OR1J2: variants seen among roughly 807,000 people sequenced by gnomAD.
The protein encoded by OR1J2 is olfactory receptor 1J2.
For missense variants in OR1J2, 304 were observed against 246.1 expected (o/e 1.24, Z -1.57); for synonymous variants, 142 against 99.7 (o/e 1.42, Z -2.52).
chr9:122,447,950 C>A, the OR1J2 span, among the ~76,000 whole-genome samples: 1 of 152,284 alleles, frequency 6.6e-6, no homozygotes, highest in Middle Eastern at 3.4e-3. Context: ...AGCCCCTGCA[C>A]ACCTGTGGGT....
chr9:122,473,239 C>G, the OR1J2 span, among the ~76,000 whole-genome samples: 1 of 152,112 alleles, frequency 6.6e-6, no homozygotes, highest in Non-Finnish European at 1.5e-5. Context: ...ACAAACATCT[C>G]AGCTCCAACC....
the OR1J2 span, among the ~76,000 whole-genome samples, chr9:122,522,794 C>T: frequency 1.8e-3 from 276 of 152,122 alleles, 1 homozygote; most frequent in Non-Finnish European, 3.0e-3. Context: ...AGAAAGCCTC[C>T]AGGCAAAAGA....
the OR1J2 span, among the ~76,000 whole-genome samples, chr9:122,498,789 T>C: frequency 6.6e-6 from 1 of 152,214 alleles, no homozygotes; most frequent in African/African-American, 2.4e-5. Context: ...TTTGTGCAGA[T>C]AGGATTTTTT....
At chr9:122,497,804 C>T in the OR1J2 span, among the ~76,000 whole-genome samples, 2 of 152,078 alleles carry the variant, frequency 1.3e-5, no homozygotes, top group Non-Finnish European at 2.9e-5. Context: ...AGGCATTTAG[C>T]GCTATAAACT....
the OR1J2 span, among the ~76,000 whole-genome samples, chr9:122,570,651 C>T: frequency 0.17 from 25,315 of 152,076 alleles, 2,860 homozygotes; most frequent in East Asian, 0.55. Context: ...TCAGCGTCAT[C>T]GTCCCTTATC....
chr9:122,466,894 C>T, the OR1J2 span, among the ~76,000 whole-genome samples: 1 of 152,106 alleles, frequency 6.6e-6, no homozygotes, highest in South Asian at 2.1e-4. Context: ...TCTCGGCACA[C>T]AGCAACCTCT....
the OR1J2 span, among the ~76,000 whole-genome samples, chr9:122,573,756 A>G: frequency 6.6e-6 from 1 of 152,156 alleles, no homozygotes; most frequent in Admixed American, 6.5e-5. Flanking sequence ...AATGAAGTCC[A>G]GCTTATGAAT....
the OR1J2 span, chr9:122,519,706 G>C: frequency 1.2e-6 from 2 of 1,614,018 alleles, no homozygotes; most frequent in Non-Finnish European, 1.7e-6. Context: ...AAGCTCTCAT[G>C]CTCAGACATC....
chr9:122,536,747 T>G, the OR1J2 span, among the ~76,000 whole-genome samples: 3 of 152,188 alleles, frequency 2.0e-5, no homozygotes, highest in African/African-American at 7.2e-5. Context: ...CAAGAAAGAT[T>G]AGATAGGTTC....
At chr9:122,574,831 T>TG in the OR1J2 span, among the ~76,000 whole-genome samples, 1 of 151,700 alleles carries the variant, frequency 6.6e-6, no homozygotes, top group African/African-American at 2.4e-5. Flanking sequence ...AGGATTTTTT[T>TG]GGGGGTAGTT....
downstream of OR1J2, among the ~76,000 whole-genome samples, chr9:122,516,629 T>C (rs1053818789): frequency 6.6e-6 from 1 of 152,180 alleles, no homozygotes; most frequent in African/African-American, 2.4e-5. Context: ...ATAGAATTTA[T>C]GCAGATAGAA....
chr9:122,535,400 A>C, the OR1J2 span, among the ~76,000 whole-genome samples: 1 of 152,156 alleles, frequency 6.6e-6, no homozygotes, highest in Non-Finnish European at 1.5e-5. Context: ...ACACCAAGGG[A>C]AGGCTGCCTT....
chr9:122,470,603 G>T, the OR1J2 span, among the ~76,000 whole-genome samples: 1 of 152,316 alleles, frequency 6.6e-6, no homozygotes, highest in East Asian at 1.9e-4. Flanking sequence ...GCTGTGAGAA[G>T]AGGGCCACTG....
At chr9:122,454,687 G>A in the OR1J2 span, among the ~76,000 whole-genome samples, 1 of 152,094 alleles carries the variant, frequency 6.6e-6, no homozygotes, top group African/African-American at 2.4e-5. Flanking sequence ...ACTGCTTCTT[G>A]TGTCCATTAC....
chr9:122,527,129 G>A, the OR1J2 span: 1 of 1,614,092 alleles, frequency 6.2e-7, no homozygotes, highest in Non-Finnish European at 8.5e-7. Flanking sequence ...AGTACATGGG[G>A]GTGTGGAGGT....
At chr9:122,569,539 A>AGTTTTTTTGCAATTAAAGTTTTTGAG in the OR1J2 span, among the ~76,000 whole-genome samples, 1 of 152,224 alleles carries the variant, frequency 6.6e-6, no homozygotes, top group Admixed American at 6.5e-5. Context: ...TACCTTGTGA[A>AGTTTTTTTGCAATTAAAGTTTTTGAG]TAGGCATATT....
At chr9:122,489,725 T>C in the OR1J2 span, among the ~76,000 whole-genome samples, 7 of 152,224 alleles carry the variant, frequency 4.6e-5, no homozygotes, top group Admixed American at 6.5e-5. Flanking sequence ...CCATTGTTTG[T>C]GTCCACGTTC....
At chr9:122,576,683 G>A in the OR1J2 span, 2 of 152,288 alleles carry the variant, frequency 1.3e-5, no homozygotes, top group African/African-American at 4.8e-5. Context: ...TTCTATGACT[G>A]GTTCCCCCTA....
chr9:122,481,892 C>G, the OR1J2 span, among the ~76,000 whole-genome samples: 1 of 151,996 alleles, frequency 6.6e-6, no homozygotes, highest in South Asian at 2.1e-4. Context: ...AATATAAGAT[C>G]CAAAACAGTA....
Sources: gnomAD v4.1 joint callset for allele counts (sites outside exome capture counted in the v4.1 genomes callset) on GRCh38, gnomAD v4.1.1 for gene constraint, MANE v1.5 for transcripts, NCBI Gene and HGNC (gene_info 2026-07-23, HGNC 2026-07-21) for gene names.